GDF1: variants seen among roughly 807,000 people sequenced by gnomAD.
GDF1 encodes growth differentiation factor 1, also known as embryonic growth/differentiation factor 1.
In GDF1, 8 loss-of-function variants were observed where a neutral mutation model predicts 7.4. The ratio of observed to expected loss-of-function variants is 1.09; its 90% CI spans 0.64 to 1.96. The LOEUF is 1.96. Ranked by LOEUF, GDF1 falls within the 30% of genes most tolerant of loss-of-function variation. GDF1 has a pLI of 0.00. For missense variants in GDF1, 574 were observed against 551.5 expected (o/e 1.04, Z -0.41); for synonymous variants, 311 against 276.7 (o/e 1.12, Z -1.23).
At chr19:18,882,714 ACGGAGT>A (rs749220989) in intron 3 of GDF1, among the ~76,000 whole-genome samples, 208 of 150,010 alleles carry the variant, frequency 1.4e-3, no homozygotes, top group Non-Finnish European at 2.2e-3. Context: ...TATTTTTGAG[ACGGAGT>A]CTCGCTCTGT....
At chr19:18,869,789 A>G (rs547179994) in intron 7 of GDF1, among the ~76,000 whole-genome samples, 194 bp downstream of exon 7, 9 of 151,700 alleles carry the variant, frequency 5.9e-5, no homozygotes, top group African/African-American at 1.5e-4. Flanking sequence ...GGTCTTGGGA[A>G]CCCCCTGACA....
intron 6 of GDF1, among the ~76,000 whole-genome samples, chr19:18,872,137 C>T (rs2055981444): frequency 6.6e-6 from 1 of 152,248 alleles, no homozygotes. Flanking sequence ...ATAGATTCCT[C>T]TAATGGTAAA....
chr19:18,891,694 C>T (rs1376101834), intron 2 of GDF1, among the ~76,000 whole-genome samples: 2 of 152,012 alleles, frequency 1.3e-5, no homozygotes, highest in African/African-American at 4.8e-5. Context: ...TCTCCCACCT[C>T]AGCCTCCCAA....
chr19:18,869,998 G>A lies in GDF1; in HGVS notation c.310C>T (p.His104Tyr). The change falls in exon 7 of 8, where the codon CAC becomes TAC. Residue 104 changes from histidine to tyrosine, a missense_variant. His to Tyr is a moderately conservative substitution (Grantham distance 83). Coordinates refer to ENST00000247005, the MANE Select transcript of GDF1 (RefSeq NM_001492.6). ...CCCCACTCACCGCGGTCCGGGATGT[G>A]GCGCACGATGTTTCCGGCGACCCCC... ...ELGVAGNIVR[H>Y]IPDRGAPTRA... is the part of the protein sequence containing the mutation. 4 of 1,595,280 alleles carry A rather than the reference G, an allele frequency of 2.5e-6. No homozygotes were observed. Among genetic ancestry groups the A allele is most frequent in the Non-Finnish European group, 2.6e-6 (3 of 1,172,498 alleles).
chr19:18,879,189 A>G, intron 5 of GDF1, 52 bp downstream of exon 5: 1 of 1,609,488 alleles, frequency 6.2e-7, no homozygotes. Flanking sequence ...GGGGACAGGG[A>G]TTGGGACGAG....
chr19:18,888,944 TGCAGTA>T (rs2056429539), intron 2 of GDF1, among the ~76,000 whole-genome samples: 1 of 144,448 alleles, frequency 6.9e-6, no homozygotes, highest in Non-Finnish European at 1.5e-5. Flanking sequence ...TAGGCTGGAG[TGCAGTA>T]GCATGATCTC....
At position 18,882,537 on chromosome 19, in the gene GDF1, C is replaced by T. The variant is rs529123055; in HGVS notation, c.-733+1550G>A. Among the ~76,000 whole-genome samples, 4 of 151,422 alleles carry T rather than the reference C, an allele frequency of 2.6e-5. No individual in the cohort carries two copies. In the East Asian group the frequency reaches 6.0e-4, roughly 23 times the overall value. On this transcript the variant is annotated intron_variant, in intron 3 of 7. Transcript: ENST00000247005. ...ATCCCAGCTACTTGGGAGGCTGAGG[C>T]GAGGCGGGAGGATTGCTTGAACCTG... is the stretch of plus-strand genomic sequence containing the variant.
In GDF1 at chr19:18,878,363, G is replaced by C. The variant is rs960356267; in HGVS notation, c.-313+567C>G. ...CTGTCACCCAGGGCTGGTGAGGCTC[G>C]TGGGCTATCTCCTTCCCCAGGACTC... On this transcript the variant is annotated intron_variant, in intron 6 of 7. Coordinates refer to ENST00000247005, the MANE Select transcript of GDF1 (RefSeq NM_001492.6). This position sits in a 1 kb window ranked among gnomAD's most constrained non-coding sequence, Gnocchi z 4.6. 4.1e-6 allele frequency: 4 copies of C among 986,200 alleles called. No individual in the cohort carries two copies. The South Asian group carries it at 1.9e-4, about 46-fold the overall frequency. 61.1% of individuals were successfully genotyped at this position (986,200 alleles called of 1,614,324 possible). A position where few individuals can be genotyped will look rare whatever the true frequency, so the allele number is the denominator to read the frequency against.
intron 2 of GDF1, among the ~76,000 whole-genome samples, chr19:18,888,698 T>G (rs538199599): frequency 1.4e-4 from 21 of 148,000 alleles, no homozygotes; most frequent in African/African-American, 5.3e-4. Context: ...GGTGTGGTAG[T>G]ACATGCCTGT....
intron 2 of GDF1, among the ~76,000 whole-genome samples, chr19:18,886,678 C>T (rs1195880110): frequency 6.6e-6 from 1 of 152,220 alleles, no homozygotes; most frequent in African/African-American, 2.4e-5. Context: ...TTCTGCAGAC[C>T]CCCAAGACAG....
In GDF1 at chr19:18,895,590, C is replaced by T. The variant is rs918067166; in HGVS notation, c.-1074+234G>A. On this transcript the variant is annotated intron_variant, in intron 1 of 7. Transcript: ENST00000247005. The surrounding 1 kb of genome is among the most constrained non-coding windows in gnomAD (Gnocchi z 6.4). ...AGCCCGGCCACACCCCCGCATCTAC[C>T]CGGTTCCCCCACGCAGCACTGTCTG... Among the ~76,000 whole-genome samples, 4 of 151,800 alleles carry T rather than the reference C, an allele frequency of 2.6e-5. No individual in the cohort carries two copies. The highest frequency in any genetic ancestry group is 5.9e-5 in the Non-Finnish European group (4 of 67,900).
intron 2 of GDF1, among the ~76,000 whole-genome samples, chr19:18,887,836 ACCAGCAGCCATCT>A (rs995411395): frequency 3.3e-5 from 5 of 151,924 alleles, no homozygotes; most frequent in African/African-American, 1.2e-4. Flanking sequence ...TGCAACCATC[ACCAGCAGCCATCT>A]CCAGAACATT....
chr19:18,879,307 G>A lies in GDF1; in HGVS notation c.-489C>T, dbSNP rs781327266. On this transcript the variant is annotated 5_prime_UTR_variant, in exon 5 of 8. Transcript: ENST00000247005. The stretch of plus-strand genomic sequence containing the variant: ...GCGCATTGAAGAAGAAGTAGAAGGG[G>A]ATGTCAGGCACCGTGCGCAGACTGC... 5 of 1,612,754 alleles carry A rather than the reference G, an allele frequency of 3.1e-6. No homozygotes were observed. Among genetic ancestry groups the A allele is most frequent in the Non-Finnish European group, 4.2e-6 (5 of 1,179,446 alleles).
intron 2 of GDF1, among the ~76,000 whole-genome samples, chr19:18,889,988 T>G (rs947263833): frequency 6.6e-6 from 1 of 151,884 alleles, no homozygotes; most frequent in African/African-American, 2.4e-5. Flanking sequence ...CTGGTGGGAG[T>G]CCCTTCAGGC....
Position 18,879,323 on chromosome 19 carries a change from C to T in GDF1, c.-505G>A, listed in dbSNP as rs775672669. On this transcript the variant is annotated 5_prime_UTR_variant, in exon 5 of 8. Transcript: ENST00000247005. ...GTAGAAGGGGATGTCAGGCACCGTG[C>T]GCAGACTGCAGTGACTGGTGGCATA... 8.1e-6 allele frequency: 13 copies of T among 1,609,282 alleles called. No individual in the cohort carries two copies. Among genetic ancestry groups the T allele is most frequent in the Middle Eastern group, 1.7e-4 (1 of 6,056 alleles).
At chr19:18,886,360 T>G (rs2056360549) in intron 2 of GDF1, among the ~76,000 whole-genome samples, 1 of 152,004 alleles carries the variant, frequency 6.6e-6, no homozygotes, top group African/African-American at 2.4e-5. Context: ...CCATCCTGGT[T>G]AACACAGTGA....
chr19:18,868,757 A>G lies in GDF1; in HGVS notation c.959T>C (p.Leu320Pro), dbSNP rs753906369. The G allele has an allele frequency of 1.3e-6, 2 of 1,506,740 alleles. No individual in the cohort carries two copies. The highest frequency in any genetic ancestry group is 1.2e-5 in the South Asian group (1 of 81,968). The allele number at this position is 1,506,740 out of a possible 1,614,324, so 93.3% of individuals were successfully genotyped here. ...GGPPALNHAVLRALMHAAAPG... is the reference protein window; with the variant it reads ...GGPPALNHAVPRALMHAAAPG... Reference sequence around the variant, plus strand: ...GGCGGCCGCGTGCATGAGCGCGCGCAGCACAGCGTGGTTGAGCGCCGGCGG... The same window carrying G: ...GGCGGCCGCGTGCATGAGCGCGCGCGGCACAGCGTGGTTGAGCGCCGGCGG... Residue 320 changes from leucine (L) to proline (P), a missense_variant, in exon 8 of 8, where the codon CTG becomes CCG. Physicochemically the swap from Leu to Pro is moderately conservative, Grantham distance 98. Transcript: ENST00000247005.
At chr19:18,880,087 CCTA>C (rs1340009170) in intron 4 of GDF1, among the ~76,000 whole-genome samples, 184 bp downstream of exon 4, 1 of 151,208 alleles carries the variant, frequency 6.6e-6, no homozygotes, top group African/African-American at 2.4e-5. Context: ...CCACCCTTGT[CCTA>C]CTCCTTTCCT....
chr19:18,869,781 T>A (rs113201419), intron 7 of GDF1, among the ~76,000 whole-genome samples: 6,632 of 152,094 alleles, frequency 0.044, 188 homozygotes, highest in African/African-American at 0.066. Context: ...GAAGGACTGG[T>A]CTTGGGAACC....
Sources: gnomAD v4.1 joint callset for allele counts (sites outside exome capture counted in the v4.1 genomes callset) on GRCh38, gnomAD v4.1.1 for gene constraint, Gnocchi (gnomAD v3.1) non-coding constraint, MANE v1.5 for transcripts, NCBI Gene and HGNC (gene_info 2026-07-23, HGNC 2026-07-21) for gene names.